LRP5: variants seen among roughly 807,000 people sequenced by gnomAD.
The protein encoded by LRP5 is low-density lipoprotein receptor-related protein 5.
In LRP5, 62 loss-of-function variants were observed where a neutral mutation model predicts 154.1. That is an observed-to-expected ratio of 0.40 (90% CI 0.33 to 0.50). LRP5 has a LOEUF of 0.50. LRP5 is among the 20% of genes least tolerant of loss of function. The pLI is 0.55. For missense variants in LRP5, 1,915 were observed against 2,336.7 expected (o/e 0.82, Z 3.72); for synonymous variants, 966 against 1,011.5 (o/e 0.96, Z 0.85).
chr11:68,306,049 C>T, the LRP5 span, among the ~76,000 whole-genome samples: 1 of 152,236 alleles, frequency 6.6e-6, no homozygotes, highest in South Asian at 2.1e-4. Flanking sequence ...TATTCCTTGG[C>T]TTGTGGCTGC....
intron 1 of LRP5, among the ~76,000 whole-genome samples, chr11:68,318,465 A>C (rs1427057336): frequency 6.6e-6 from 1 of 151,652 alleles, no homozygotes; most frequent in African/African-American, 2.4e-5. Context: ...TCAGCCCGCA[A>C]GTAGTTGGGA....
chr11:68,369,877 G>C (rs1458948591), intron 5 of LRP5, among the ~76,000 whole-genome samples: 1 of 150,018 alleles, frequency 6.7e-6, no homozygotes, highest in East Asian at 1.9e-4. Flanking sequence ...TGCTCATCCA[G>C]GGGTGACGGA....
intron 19 of LRP5, 30 bp downstream of exon 19, chr11:68,437,029 C>T (rs775563970): frequency 8.2e-6 from 13 of 1,585,088 alleles, no homozygotes; most frequent in Admixed American, 6.7e-5. Context: ...GGGGAAGGGG[C>T]GTCCGGGCTG....
At chr11:68,334,791 G>C (rs940519475) in intron 1 of LRP5, among the ~76,000 whole-genome samples, 1 of 152,006 alleles carries the variant, frequency 6.6e-6, no homozygotes, top group African/African-American at 2.4e-5. Context: ...ACTTGAACCT[G>C]GGAGGCGGAG....
intron 5 of LRP5, among the ~76,000 whole-genome samples, chr11:68,367,751 A>G (rs1276075778): frequency 6.6e-6 from 1 of 152,110 alleles, no homozygotes; most frequent in Non-Finnish European, 1.5e-5. Flanking sequence ...GAATCACCGG[A>G]ATATGGCAAA....
intron 7 of LRP5, among the ~76,000 whole-genome samples, chr11:68,394,228 G>T (rs1051942525): frequency 1.3e-5 from 2 of 152,146 alleles, no homozygotes; most frequent in Non-Finnish European, 2.9e-5. Flanking sequence ...TAGGACAGGG[G>T]GTTCTGGGGA....
chr11:68,433,429 C>T (rs557705124), intron 17 of LRP5, among the ~76,000 whole-genome samples, 173 bp from the exon 18 acceptor site: 12 of 152,280 alleles, frequency 7.9e-5, no homozygotes, highest in Middle Eastern at 3.4e-3. Flanking sequence ...GGAGGTGGAG[C>T]GGCACACAGG....
At position 68,425,256 on chromosome 11, in the gene LRP5, G is replaced by T; in HGVS notation, c.3391G>T (p.Ala1131Ser). ...ACTGGGCAAGCTGTTCTGGGTGGAC[G>T]CGGACCTGAAGCGCATTGAGAGCTG... is the stretch of plus-strand genomic sequence containing the variant. ...NTLGKLFWVD[A>S]DLKRIESCDL... The change falls in exon 15 of 23, where the codon GCG (alanine) becomes TCG (serine). Residue 1131 changes from alanine to serine, a missense_variant. Physicochemically the swap from Ala to Ser is moderately conservative, Grantham distance 99. Transcript: ENST00000294304. 1 of 1,611,128 alleles carries T rather than the reference G, an allele frequency of 6.2e-7. No individual in the cohort carries two copies.
chr11:68,423,794 C>A lies in LRP5; in HGVS notation c.3236+97C>A. 8.1e-7 allele frequency: 1 copy of A among 1,233,716 alleles called. No individual in the cohort carries two copies. The highest frequency in any genetic ancestry group is 1.1e-6 in the Non-Finnish European group (1 of 877,882). 76.4% of individuals were successfully genotyped at this position (1,233,716 alleles called of 1,614,324 possible). ...GCCTCTCACAGGCTGGGGAGACTTT[C>A]CACCCTGGGGATCCAATGGGTGGCT... is the stretch of plus-strand genomic sequence containing the variant. On this transcript the variant is annotated intron_variant, in intron 14 of 22. Transcript: ENST00000294304. This position sits in a 1 kb window ranked among gnomAD's most constrained non-coding sequence, Gnocchi z 4.7.
intron 13 of LRP5, among the ~76,000 whole-genome samples, chr11:68,420,195 C>T (rs371288671): frequency 6.6e-6 from 1 of 152,170 alleles, no homozygotes; most frequent in African/African-American, 2.4e-5. Context: ...GGCAGATGTC[C>T]GAAACTGTCC....
rs1250117051 is a variant in LRP5, at chr11:68,443,575, ATATATATATATTTTTTTT to A, written c.4489-2859_4489-2842del. On this transcript the variant is annotated intron_variant, in intron 21 of 22. Coordinates refer to ENST00000294304, the MANE Select transcript of LRP5 (RefSeq NM_002335.4). The stretch of plus-strand genomic sequence containing the variant: ...TATATATATATATATATATATATAT[ATATATATATATTTTTTTT>A]TTTTTTGGTTATGTTCAGAAAGGCC... Among the ~76,000 whole-genome samples the A allele has an allele frequency of 1.2e-4, 5 of 41,370 alleles. 1 individual carries two copies. The East Asian group carries it at 2.1e-3, about 17-fold the overall frequency. The allele number at this position is 41,370 out of a possible 152,430, so 27.1% of individuals were successfully genotyped here. A position where few individuals can be genotyped will look rare whatever the true frequency, so the allele number is the denominator to read the frequency against.
At chr11:68,325,369 C>T (rs753905404) in intron 1 of LRP5, among the ~76,000 whole-genome samples, 9 of 152,116 alleles carry the variant, frequency 5.9e-5, no homozygotes, top group Non-Finnish European at 1.2e-4. Flanking sequence ...TGCACTCAGT[C>T]GAAGTGCCCG....
chr11:68,447,412 C>T lies in LRP5; in HGVS notation c.4586+879C>T, dbSNP rs114842759. Reference sequence around the variant, plus strand: ...GCCTGCCACCTAGTGGCCATTTCCACGAACTCCCAGGCCTGGCTGGGGAGC... The same window carrying T: ...GCCTGCCACCTAGTGGCCATTTCCATGAACTCCCAGGCCTGGCTGGGGAGC... On this transcript the variant is annotated intron_variant, in intron 22 of 22. Transcript: ENST00000294304. This position sits in a 1 kb window ranked among gnomAD's most constrained non-coding sequence, Gnocchi z 4.3. Among the ~76,000 whole-genome samples the T allele has an allele frequency of 0.013, 2,011 of 152,258 alleles. 52 individuals are homozygous for T. Among genetic ancestry groups the T allele is most frequent in the African/African-American group, 0.046 (1,908 of 41,538 alleles).
At chr11:68,430,739 CCTT>C (rs1357974271) in intron 17 of LRP5, among the ~76,000 whole-genome samples, 1 of 152,140 alleles carries the variant, frequency 6.6e-6, no homozygotes, top group Non-Finnish European at 1.5e-5. Flanking sequence ...CTTTTTCTCT[CCTT>C]CTACCCTTGA....
intron 1 of LRP5, among the ~76,000 whole-genome samples, chr11:68,328,156 G>A (rs996065326): frequency 5.9e-5 from 9 of 152,184 alleles, no homozygotes; most frequent in African/African-American, 2.2e-4. Flanking sequence ...ACAGTGTCGC[G>A]GAGCCCGAGG....
intron 12 of LRP5, among the ~76,000 whole-genome samples, 159 bp from the exon 13 acceptor site, chr11:68,416,169 C>T (rs1401890919): frequency 1.3e-5 from 2 of 152,148 alleles, no homozygotes; most frequent in Non-Finnish European, 1.5e-5. Context: ...TTCCCCATAG[C>T]GCACCCCCAA....
chr11:68,422,701 C>T (rs899758418), intron 13 of LRP5, among the ~76,000 whole-genome samples: 1 of 152,090 alleles, frequency 6.6e-6, no homozygotes, highest in Non-Finnish European at 1.5e-5. Flanking sequence ...CCCTGCCTTC[C>T]CAAGAGGGGC....
intron 1 of LRP5, among the ~76,000 whole-genome samples, chr11:68,316,774 G>A (rs545794140): frequency 6.6e-5 from 10 of 152,346 alleles, no homozygotes; most frequent in African/African-American, 2.4e-4. Context: ...GTTCAGGAAC[G>A]AGCCAGGTGA....
chr11:68,405,894 C>T (rs1381541233), intron 8 of LRP5, among the ~76,000 whole-genome samples: 1 of 152,236 alleles, frequency 6.6e-6, no homozygotes, highest in Non-Finnish European at 1.5e-5. Context: ...GGAGCCAAGG[C>T]CCTGAGGGGC....
Sources: gnomAD v4.1 joint callset for allele counts (sites outside exome capture counted in the v4.1 genomes callset) on GRCh38, gnomAD v4.1.1 for gene constraint, Gnocchi (gnomAD v3.1) non-coding constraint, MANE v1.5 for transcripts, NCBI Gene and HGNC (gene_info 2026-07-23, HGNC 2026-07-21) for gene names.